The following MACF1 variants were observed in gnomAD, a reference collection of about 807,000 sequenced individuals.
The protein encoded by MACF1 is microtubule actin crosslinking factor 1.
MACF1 carries 193 observed loss-of-function variants against 854.8 expected under a neutral mutation model. The ratio of observed to expected loss-of-function variants is 0.23; its 90% CI spans 0.20 to 0.25. The LOEUF (loss-of-function observed/expected upper bound fraction) is 0.25, where lower values mean the gene tolerates loss of function less well. Ranked by LOEUF, MACF1 falls within the 10% of genes least tolerant of loss-of-function variation. MACF1 has a pLI of 1.00. For synonymous variants in MACF1, 3,185 were observed against 3,226.7 expected (o/e 0.99, Z 0.44); for missense variants, 7,722 against 8,929.1 (o/e 0.86, Z 5.45).
Position 39,300,308 on chromosome 1 carries a change from T to C in MACF1, c.2580T>C (p.His860=), listed in dbSNP as rs377295691. 155 of 1,613,998 alleles carry C rather than the reference T, an allele frequency of 9.6e-5. No homozygotes were observed. The highest frequency in any genetic ancestry group is 1.6e-4 in the Middle Eastern group (1 of 6,062). ...IVQLKPRSPD[H]VLKNTISVKA... ...AGCTAAAACCACGCAGTCCAGACCA[T>C]GTGTTAAAGAACACCATTTCTGTCA... Residue 860 remains histidine, a synonymous_variant, in exon 22 of 101, where the codon CAT becomes CAC. Transcript: ENST00000564288.
intron 2 of MACF1, among the ~76,000 whole-genome samples, chr1:39,176,089 G>A (rs1644022226): frequency 8.4e-5 from 4 of 47,852 alleles, no homozygotes; most frequent in South Asian, 1.9e-3. Flanking sequence ...CAGCCTGGGC[G>A]ACAGAGCGAG....
intron 15 of MACF1, among the ~76,000 whole-genome samples, chr1:39,288,761 C>T (rs1645706157): frequency 1.3e-5 from 2 of 152,124 alleles, no homozygotes; most frequent in Admixed American, 1.3e-4. Context: ...CACTGCGCTC[C>T]AGCCTGGGCA....
intron 1 of MACF1, among the ~76,000 whole-genome samples, chr1:39,229,452 A>G (rs1187482160): frequency 2.0e-5 from 3 of 152,222 alleles, no homozygotes; most frequent in African/African-American, 7.2e-5. Context: ...TAGGGGATCA[A>G]TAAGAAGAAA....
At chr1:39,398,354 G>A (rs1030312995) in intron 58 of MACF1, among the ~76,000 whole-genome samples, 2 of 152,008 alleles carry the variant, frequency 1.3e-5, no homozygotes, top group Middle Eastern at 3.2e-3. Context: ...GCCAAGGCCG[G>A]CCTTGAACTC....
At chr1:39,310,152 G>A in intron 24 of MACF1, 93 bp from the exon 25 acceptor site, 1 of 1,000,968 alleles carries the variant, frequency 1.0e-6, no homozygotes, top group Non-Finnish European at 1.5e-6. Flanking sequence ...TTTATGCACT[G>A]TTTTGTATAT....
chr1:39,469,510 T>C (rs1047036573), intron 96 of MACF1, 37 bp from the exon 97 acceptor site: 5 of 1,481,044 alleles, frequency 3.4e-6, no homozygotes, highest in Non-Finnish European at 4.6e-6. Context: ...TTTCCTGCCC[T>C]GTCTGTTTCT....
At chr1:39,240,162 C>T (rs1189736786) in intron 2 of MACF1, among the ~76,000 whole-genome samples, 2 of 152,226 alleles carry the variant, frequency 1.3e-5, no homozygotes, top group Non-Finnish European at 2.9e-5. Flanking sequence ...TGAGTCAATT[C>T]ACTGGCTCCC....
intron 31 of MACF1, among the ~76,000 whole-genome samples, chr1:39,321,915 C>T (rs1646522239): frequency 6.6e-6 from 1 of 152,076 alleles, no homozygotes; most frequent in Non-Finnish European, 1.5e-5. Flanking sequence ...TCTGGTGGAA[C>T]AATAGAGAAT....
intron 43 of MACF1, among the ~76,000 whole-genome samples, chr1:39,351,642 A>G (rs1464848514): frequency 7.0e-6 from 1 of 142,556 alleles, no homozygotes; most frequent in Admixed American, 7.4e-5. Context: ...ACTGGAGTAC[A>G]GTGGTGCAAT....
intron 97 of MACF1, among the ~76,000 whole-genome samples, chr1:39,475,232 C>A (rs565480376): frequency 6.6e-6 from 1 of 152,298 alleles, no homozygotes; most frequent in African/African-American, 2.4e-5. Context: ...TTGGGGAATT[C>A]TGCTATAAGC....
At chr1:39,194,729 C>T (rs1644300300) in intron 2 of MACF1, among the ~76,000 whole-genome samples, 2 of 125,526 alleles carry the variant, frequency 1.6e-5, no homozygotes, top group Non-Finnish European at 3.3e-5. Flanking sequence ...TCTTGCTCTG[C>T]TGTCTAGGCT....
intron 36 of MACF1, among the ~76,000 whole-genome samples, chr1:39,329,332 A>C (rs80007502): frequency 9.4e-4 from 143 of 152,308 alleles, no homozygotes; most frequent in Non-Finnish European, 1.6e-3. Context: ...TATGCACCTC[A>C]TCAAGCTTGA....
Position 39,337,123 on chromosome 1 carries a change from T to C in MACF1, c.10066-59T>C, listed in dbSNP as rs1190608022. On this transcript the variant is annotated intron_variant, in intron 37 of 100. Coordinates refer to ENST00000564288, the MANE Select transcript of MACF1 (RefSeq NM_001394062.1). Reference sequence around the variant, plus strand: ...TGTCTAACAAAAACCCCTGCCTGCTTTAAAGCTGACTTACAGGAGAACGTC... The same window carrying C: ...TGTCTAACAAAAACCCCTGCCTGCTCTAAAGCTGACTTACAGGAGAACGTC... The C allele has an allele frequency of 5.8e-6, 9 of 1,540,442 alleles. No homozygotes were observed. In the East Asian group the frequency reaches 2.1e-4, roughly 35 times the overall value.
Position 39,484,730 on chromosome 1 carries a change from G to T in MACF1, c.22411G>T (p.Asp7471Tyr). The T allele has an allele frequency of 6.2e-7, 1 of 1,614,138 alleles. No individual in the cohort carries two copies. The highest frequency in any genetic ancestry group is 8.5e-7 in the Non-Finnish European group (1 of 1,180,012). ...ASTGAKTNRA[D>Y]PKKSASRPGS... The stretch of plus-strand genomic sequence containing the variant: ...CACAGGTGCCAAAACTAATCGGGCA[G>T]GTAAGTACCTGCCCCGTGACCTACA... The change falls in exon 100 of 101, where the codon GAC becomes TAC. Residue 7471 changes from aspartate (D) to tyrosine (Y), a missense_variant and splice_region_variant. Asp to Tyr is a radical substitution (Grantham distance 160). Coordinates refer to ENST00000564288, the MANE Select transcript of MACF1 (RefSeq NM_001394062.1).
intron 2 of MACF1, among the ~76,000 whole-genome samples, chr1:39,129,611 TTCTC>T (rs1181023687): frequency 2.0e-5 from 3 of 152,136 alleles, no homozygotes; most frequent in African/African-American, 7.2e-5. Context: ...GCATAATCCT[TTCTC>T]TCACTTGTCT....
intron 15 of MACF1, among the ~76,000 whole-genome samples, chr1:39,288,294 C>T (rs1169747377): frequency 6.6e-6 from 1 of 151,684 alleles, no homozygotes; most frequent in Non-Finnish European, 1.5e-5. Flanking sequence ...CTCAGGAGAT[C>T]GAGACCATCC....
rs1026892568 is a variant in MACF1, at chr1:39,313,080, T to A, written c.3270+2080T>A. Among the ~76,000 whole-genome samples, 116 of 152,212 alleles carry A rather than the reference T, an allele frequency of 7.6e-4. 3 individuals carry two copies. Among genetic ancestry groups the A allele is most frequent in the Admixed American group, 1.3e-4 (2 of 15,282 alleles). ...TCTTTCATGACCTTAACATTTTTTT[T>A]ATGAGTGCAGCCCATTTATTTTGTA... On this transcript the variant is annotated intron_variant, in intron 26 of 100. Coordinates refer to ENST00000564288, the MANE Select transcript of MACF1 (RefSeq NM_001394062.1).
intron 16 of MACF1, 102 bp from the exon 17 acceptor site, chr1:39,292,664 C>A (rs748191922): frequency 6.8e-5 from 55 of 805,258 alleles, no homozygotes; most frequent in Non-Finnish European, 8.7e-5. Flanking sequence ...AGCAACCAAT[C>A]CATATCTCTA....
Position 39,353,601 on chromosome 1 carries a change from C to T in MACF1, c.11424+370C>T, listed in dbSNP as rs187498597. Among the ~76,000 whole-genome samples, 201 of 152,248 alleles carry T rather than the reference C, an allele frequency of 1.3e-3. 1 individual carries two copies. Among genetic ancestry groups the T allele is most frequent in the Non-Finnish European group, 2.2e-3 (153 of 68,010 alleles). On this transcript the variant is annotated intron_variant, in intron 44 of 100. Transcript: ENST00000564288. Reference sequence around the variant, plus strand: ...TTCTGTGTATGCATTTCCTTCCAGCCCTGATTTCTGTCCCGAGCTTCAAAA... The same window carrying T: ...TTCTGTGTATGCATTTCCTTCCAGCTCTGATTTCTGTCCCGAGCTTCAAAA...
Sources: allele counts gnomAD v4.1 joint callset (sites outside exome capture counted in the v4.1 genomes callset), GRCh38; gene constraint gnomAD v4.1.1; transcripts MANE v1.5; gene names NCBI Gene and HGNC (gene_info 2026-07-23, HGNC 2026-07-21).